ZNF184: variants seen among roughly 807,000 people sequenced by gnomAD.
ZNF184 encodes the protein zinc finger protein 184 (Kruppel-like).
A neutral mutation model predicts 54.4 loss-of-function variants in ZNF184; 16 were observed. The observed-to-expected ratio is 0.29, with a 90% CI of 0.20 to 0.45. The LOEUF is 0.45. Among genes scored for constraint, ZNF184 ranks in the 20% least tolerant of loss-of-function variants. ZNF184 has a pLI of 1.00. For synonymous variants in ZNF184, 254 were observed against 295.3 expected, an observed-to-expected ratio of 0.86 and a Z score of 1.43; for missense variants, 681 against 888.2, an observed-to-expected ratio of 0.77 and a Z score of 2.97.
chr6:27,458,718 C>T (rs556167684), intron 3 of ZNF184, among the ~76,000 whole-genome samples: 2 of 152,212 alleles, frequency 1.3e-5, no homozygotes, highest in East Asian at 1.9e-4. Flanking sequence ...CCAGCAATCC[C>T]GCTAATGGGT....
At chr6:27,423,896 TTC>T in the ZNF184 span, among the ~76,000 whole-genome samples, 297 of 152,364 alleles carry the variant, frequency 1.9e-3, 1 homozygote, top group African/African-American at 6.8e-3. Context: ...TTTGCAGGCT[TTC>T]TGTTTATTTG....
At chr6:27,445,721 C>CAAAAAAA in the ZNF184 span, among the ~76,000 whole-genome samples, 66 of 129,234 alleles carry the variant, frequency 5.1e-4, 13 homozygotes, top group Non-Finnish European at 5.5e-4. Context: ...TCTGTTATAG[C>CAAAAAAA]AAAAAAAAAA....
the ZNF184 span, among the ~76,000 whole-genome samples, chr6:27,415,113 G>C: frequency 6.6e-6 from 1 of 152,162 alleles, no homozygotes; most frequent in African/African-American, 2.4e-5. Flanking sequence ...CAATGGGCTG[G>C]TTGTAATCTC....
At chr6:27,442,874 G>GA in the ZNF184 span, among the ~76,000 whole-genome samples, 11,879 of 67,300 alleles carry the variant, frequency 0.18, 1,902 homozygotes, top group Middle Eastern at 0.24. Flanking sequence ...AAGAAAGAAA[G>GA]AAAGAAAAAG....
chr6:27,417,123 G>C, the ZNF184 span, among the ~76,000 whole-genome samples: 2 of 152,112 alleles, frequency 1.3e-5, no homozygotes, highest in African/African-American at 4.8e-5. Flanking sequence ...TGGGGGTCAT[G>C]AAAGAGTTAA....
chr6:27,426,408 T>C, the ZNF184 span, among the ~76,000 whole-genome samples: 1 of 152,204 alleles, frequency 6.6e-6, no homozygotes, highest in Non-Finnish European at 1.5e-5. The surrounding 1 kb of genome is among the most constrained non-coding windows in gnomAD (Gnocchi z 4.2). Flanking sequence ...TTTTAATTCT[T>C]GTTCCAAAAG....
chr6:27,438,968 CT>C, the ZNF184 span, among the ~76,000 whole-genome samples: 1 of 152,200 alleles, frequency 6.6e-6, no homozygotes, highest in African/African-American at 2.4e-5. Flanking sequence ...GGCACATTCG[CT>C]TTAATTTTTT....
At chr6:27,440,774 C>T in the ZNF184 span, among the ~76,000 whole-genome samples, 2 of 152,080 alleles carry the variant, frequency 1.3e-5, no homozygotes, top group African/African-American at 2.4e-5. Flanking sequence ...GAGGCCGAGG[C>T]GGGCGGATCA....
At chr6:27,434,903 G>A in the ZNF184 span, among the ~76,000 whole-genome samples, 2 of 152,094 alleles carry the variant, frequency 1.3e-5, no homozygotes, top group South Asian at 2.1e-4. Flanking sequence ...GCCATTTGTT[G>A]AATAGACTGT....
chr6:27,423,272 G>A, the ZNF184 span, among the ~76,000 whole-genome samples: 1 of 152,050 alleles, frequency 6.6e-6, no homozygotes, highest in East Asian at 1.9e-4. Flanking sequence ...CTAGCTGGGT[G>A]GGTAAAGTGC....
At position 27,470,414 on chromosome 6, in the gene ZNF184, G is replaced by A. The variant is rs750331323; in HGVS notation, c.7+1874C>T. 5.1e-4 allele frequency among the ~76,000 whole-genome samples: 78 copies of A among 152,272 alleles called. 1 individual carries two copies. The highest frequency in any genetic ancestry group is 3.9e-4 in the East Asian group (2 of 5,186). ...ATGTAAGTTTCATTTTGTAAAAAAT[G>A]TATTAATCAAGAAATTCTTAATTTA... On this transcript the variant is annotated intron_variant, in intron 2 of 5. Coordinates refer to ENST00000683788, the MANE Select transcript of ZNF184 (RefSeq NM_001318891.2).
chr6:27,405,530 G>A, the ZNF184 span: 3 of 152,222 alleles, frequency 2.0e-5, no homozygotes, highest in Non-Finnish European at 4.4e-5. Flanking sequence ...GGTGCCCCAG[G>A]CCCCATGGCC....
chr6:27,419,581 AATAG>A, the ZNF184 span, among the ~76,000 whole-genome samples: 24 of 149,888 alleles, frequency 1.6e-4, no homozygotes, highest in South Asian at 2.1e-4. The surrounding 1 kb of genome is among the most constrained non-coding windows in gnomAD (Gnocchi z 4.8). Context: ...TAGATTCATA[AATAG>A]ATAGATAGAT....
chr6:27,459,309 C>T (rs548185151), intron 3 of ZNF184, among the ~76,000 whole-genome samples: 25 of 151,824 alleles, frequency 1.6e-4, no homozygotes, highest in African/African-American at 5.3e-4. Flanking sequence ...TATCATTACA[C>T]ATTGTATTCA....
At chr6:27,415,851 C>G in the ZNF184 span, among the ~76,000 whole-genome samples, 8 of 152,090 alleles carry the variant, frequency 5.3e-5, no homozygotes, top group African/African-American at 1.9e-4. Flanking sequence ...AACAAAGTAC[C>G]ACAAACTGGG....
intron 3 of ZNF184, among the ~76,000 whole-genome samples, chr6:27,462,269 C>T (rs1299758331): frequency 6.6e-6 from 1 of 151,820 alleles, no homozygotes; most frequent in African/African-American, 2.4e-5. Context: ...GTGATCTCGG[C>T]TCACTGCAAG....
chr6:27,424,341 A>T, the ZNF184 span, among the ~76,000 whole-genome samples: 1 of 152,178 alleles, frequency 6.6e-6, no homozygotes. Context: ...AAAAGAACAA[A>T]GCTTCCACAG....
chr6:27,440,713 G>A, the ZNF184 span, among the ~76,000 whole-genome samples: 2 of 152,146 alleles, frequency 1.3e-5, no homozygotes, highest in East Asian at 3.9e-4. Flanking sequence ...GTATAAAAGA[G>A]AAGGTGCAGG....
rs576687100 is a variant in ZNF184, at chr6:27,470,965, G to C, written c.7+1323C>G. On this transcript the variant is annotated intron_variant, in intron 2 of 5. Coordinates refer to ENST00000683788, the MANE Select transcript of ZNF184 (RefSeq NM_001318891.2). Reference sequence around the variant, plus strand: ...TTGAAGTACAAAAAATTGAAGAAAAGTATGGACCAAACCTACATTATTCAC... The same window carrying C: ...TTGAAGTACAAAAAATTGAAGAAAACTATGGACCAAACCTACATTATTCAC... Among the ~76,000 whole-genome samples, 5 of 152,200 alleles carry C rather than the reference G, an allele frequency of 3.3e-5. No individual in the cohort carries two copies. In the South Asian group the frequency reaches 1.0e-3, roughly 32 times the overall value.
Sources: gnomAD v4.1 joint callset for allele counts (sites outside exome capture counted in the v4.1 genomes callset) on GRCh38, gnomAD v4.1.1 for gene constraint, Gnocchi (gnomAD v3.1) non-coding constraint, MANE v1.5 for transcripts, NCBI Gene and HGNC (gene_info 2026-07-23, HGNC 2026-07-21) for gene names.